HHIPL1: variants seen among roughly 807,000 people sequenced by gnomAD.
HHIPL1 encodes the protein HHIP like 1, also known as HHIP-like protein 1.
A neutral mutation model predicts 61.8 loss-of-function variants in HHIPL1; 43 were observed. The observed-to-expected ratio is 0.70, with a 90% CI of 0.55 to 0.90. The LOEUF is 0.90. Among genes scored for constraint, HHIPL1 ranks in the 40% least tolerant of loss-of-function variants. The probability of loss-of-function intolerance (pLI) is 0.00; values close to 1 mark genes in which losing one functional copy is unlikely to be tolerated. For missense variants in HHIPL1, 1,056 were observed against 1,157.7 expected (o/e 0.91, Z 1.28); for synonymous variants, 482 against 515.8 (o/e 0.93, Z 0.89).
In HHIPL1 at chr14:99,660,128, C is replaced by G; in HGVS notation, c.1376-152C>G. 4.6e-6 allele frequency: 3 copies of G among 649,276 alleles called. No individual in the cohort carries two copies. Among genetic ancestry groups the G allele is most frequent in the Non-Finnish European group, 6.8e-6 (3 of 441,224 alleles). The allele number at this position is 649,276 out of a possible 1,614,324, so 40.2% of individuals were successfully genotyped here. On this transcript the variant is annotated intron_variant, in intron 4 of 8. Transcript: ENST00000330710. The surrounding 1 kb of genome is among the most constrained non-coding windows in gnomAD (Gnocchi z 4.9). The stretch of plus-strand genomic sequence containing the variant: ...ACCCCTGCAGACACGCTTTCCACCA[C>G]GCCAGCCCTGCTGTGGGCACGCCAG...
the HHIPL1 span, among the ~76,000 whole-genome samples, chr14:99,635,068 C>T: frequency 6.6e-6 from 1 of 152,074 alleles, no homozygotes; most frequent in Non-Finnish European, 1.5e-5. Context: ...AGTGGTGACC[C>T]AGAAAGGATC....
chr14:99,669,191 C>T, intron 7 of HHIPL1: 1 of 1,270,598 alleles, frequency 7.9e-7, no homozygotes, highest in Non-Finnish European at 1.0e-6. Context: ...TATCTCTTCA[C>T]TCTGCAGAGG....
At chr14:99,667,040 C>A (rs1469594274) in intron 6 of HHIPL1, among the ~76,000 whole-genome samples, 1 of 152,254 alleles carries the variant, frequency 6.6e-6, no homozygotes, top group Non-Finnish European at 1.5e-5. Context: ...ATGCTTTCCT[C>A]CAACCTATTA....
rs1026506821 is a variant in HHIPL1 at position 99,668,446 on chromosome 14, G to A, written c.1730+143G>A. Reference sequence around the variant, plus strand: ...AGAACCCTGAGGCCCAGAGAGGGACGTGATTTGCCTCAGTTCCTCCGGCAA... The same window carrying A: ...AGAACCCTGAGGCCCAGAGAGGGACATGATTTGCCTCAGTTCCTCCGGCAA... On this transcript the variant is annotated intron_variant, in intron 7 of 8. Coordinates refer to ENST00000330710, the MANE Select transcript of HHIPL1 (RefSeq NM_001127258.3). The surrounding 1 kb of genome is among the most constrained non-coding windows in gnomAD (Gnocchi z 4.7). 51 of 641,778 alleles carry A rather than the reference G, an allele frequency of 7.9e-5. No individual in the cohort carries two copies. Among genetic ancestry groups the A allele is most frequent in the Admixed American group, 5.8e-4 (25 of 43,178 alleles). 39.8% of individuals were successfully genotyped at this position (641,778 alleles called of 1,614,324 possible). A position where few individuals can be genotyped will look rare whatever the true frequency, so the allele number is the denominator to read the frequency against.
At chr14:99,640,952 T>A (rs2055743507), upstream of HHIPL1, among the ~76,000 whole-genome samples, 1 of 142,662 alleles carries the variant, frequency 7.0e-6, no homozygotes, top group Non-Finnish European at 1.5e-5. Context: ...AATGGTGCGA[T>A]CTTGGCTCAC....
the HHIPL1 span, among the ~76,000 whole-genome samples, chr14:99,638,215 C>G: frequency 9.8e-5 from 15 of 152,312 alleles, no homozygotes; most frequent in Non-Finnish European, 2.2e-4. Context: ...ACTCACTCCC[C>G]AGCACTCACG....
In HHIPL1 at chr14:99,676,313, G is replaced by A. The variant is rs943886; in HGVS notation, c.*687G>A. On this transcript the variant is annotated 3_prime_UTR_variant, in exon 9 of 9. Coordinates refer to ENST00000330710, the MANE Select transcript of HHIPL1 (RefSeq NM_001127258.3). Reference sequence around the variant, plus strand: ...TGAGGACTGGATGACCTCCAAGGCCGTATGCTGGAGAAGCCACTCAGCAGC... The same window carrying A: ...TGAGGACTGGATGACCTCCAAGGCCATATGCTGGAGAAGCCACTCAGCAGC... 0.057 allele frequency: 8,699 copies of A among 152,400 alleles called. 290 individuals carry two copies. The highest frequency in any genetic ancestry group is 0.081 in the African/African-American group (3,365 of 41,538). 9.4% of individuals were successfully genotyped at this position (152,400 alleles called of 1,614,324 possible). A position where few individuals can be genotyped will look rare whatever the true frequency, so the allele number is the denominator to read the frequency against.
At chr14:99,626,525 G>T in the HHIPL1 span, among the ~76,000 whole-genome samples, 1 of 152,232 alleles carries the variant, frequency 6.6e-6, no homozygotes, top group African/African-American at 2.4e-5. Flanking sequence ...GGAGGTCAGG[G>T]AGTCCAGTGC....
rs1250435569 is a variant in HHIPL1, at chr14:99,660,673, C to T, written c.1502+267C>T. Among the ~76,000 whole-genome samples, 4 of 152,180 alleles carry T rather than the reference C, an allele frequency of 2.6e-5. No individual in the cohort carries two copies. Among genetic ancestry groups the T allele is most frequent in the African/African-American group, 9.7e-5 (4 of 41,450 alleles). ...ACTGGAGGCTTGCTTAAGTGCGGGTCCCGTGGTCTTCCTCTCCCTCCTGAG... is the reference window on the plus strand; with the variant it reads ...ACTGGAGGCTTGCTTAAGTGCGGGTTCCGTGGTCTTCCTCTCCCTCCTGAG... On this transcript the variant is annotated intron_variant, in intron 5 of 8. Coordinates refer to ENST00000330710, the MANE Select transcript of HHIPL1 (RefSeq NM_001127258.3). This position sits in a 1 kb window ranked among gnomAD's most constrained non-coding sequence, Gnocchi z 4.9.
At chr14:99,670,639 C>G (rs2056317346) in intron 7 of HHIPL1, among the ~76,000 whole-genome samples, 1 of 152,094 alleles carries the variant, frequency 6.6e-6, no homozygotes, top group South Asian at 2.1e-4. Context: ...GCTTCCATCC[C>G]TTCCTTCTCA....
At chr14:99,667,321 C>CT (rs35142788) in intron 6 of HHIPL1, among the ~76,000 whole-genome samples, 44,778 of 147,540 alleles carry the variant, frequency 0.3, 8,159 homozygotes, top group East Asian at 0.43. Context: ...CTCTGAGCCT[C>CT]TTTTTTTTTT....
chr14:99,613,446 C>T, the HHIPL1 span, among the ~76,000 whole-genome samples: 1 of 151,650 alleles, frequency 6.6e-6, no homozygotes, highest in Non-Finnish European at 1.5e-5. Flanking sequence ...ACACCTCGAC[C>T]TCCTGAATAT....
intron 2 of HHIPL1, among the ~76,000 whole-genome samples, chr14:99,653,253 C>T (rs528566020): frequency 7.0e-4 from 106 of 152,302 alleles, no homozygotes; most frequent in African/African-American, 2.5e-3. Context: ...AGGGTCAGAG[C>T]TGGAACCCTG....
intron 5 of HHIPL1, among the ~76,000 whole-genome samples, chr14:99,662,425 G>C (rs560847761): frequency 8.5e-5 from 13 of 152,202 alleles, no homozygotes; most frequent in Admixed American, 8.5e-4. Context: ...TCTTGAAAGC[G>C]CTGTGCCCTC....
chr14:99,621,863 G>A, the HHIPL1 span, among the ~76,000 whole-genome samples: 27 of 151,730 alleles, frequency 1.8e-4, no homozygotes, highest in Non-Finnish European at 1.3e-4. Context: ...CCACAGGTAC[G>A]TGCCACCATG....
intron 2 of HHIPL1, among the ~76,000 whole-genome samples, chr14:99,653,811 C>T (rs990392187): frequency 2.0e-5 from 3 of 152,342 alleles, no homozygotes; most frequent in East Asian, 1.9e-4. Context: ...ATGTATCAGT[C>T]TAAGTCCAGT....
In HHIPL1 at chr14:99,659,571, G is replaced by A; in HGVS notation, c.1190G>A (p.Trp397Ter). The change falls in exon 4 of 9, where the codon TGG (tryptophan) becomes TAG (stop). Residue 397 changes from tryptophan to a stop codon, truncating the protein, a stop_gained. Transcript: ENST00000330710. LOFTEE classifies it high-confidence loss of function. The part of the protein sequence containing the change: ...EVYALGVRNM[W>*]RCSFDRGDPS... ...TACGCCCTGGGCGTGCGCAACATGT[G>A]GCGCTGCTCCTTCGACCGTGGCGAC... 1 of 1,552,210 alleles carries A rather than the reference G, an allele frequency of 6.4e-7. No homozygotes were observed. The highest frequency in any genetic ancestry group is 8.7e-7 in the Non-Finnish European group (1 of 1,152,194).
intron 1 of HHIPL1, among the ~76,000 whole-genome samples, chr14:99,648,555 A>G (rs1243632966): frequency 1.3e-5 from 2 of 152,252 alleles, no homozygotes; most frequent in African/African-American, 4.8e-5. Context: ...GTCCTAGCCA[A>G]GCTGACTGGC....
chr14:99,678,988 G>A lies in HHIPL1; in HGVS notation c.*3362G>A, dbSNP rs2140102496. On this transcript the variant is annotated 3_prime_UTR_variant, in exon 9 of 9. Transcript: ENST00000330710. ...CTTACTACATGCCAAGCACTGCTCT[G>A]AAAGTTTAACATACCATTCACTCAT... 1 of 152,344 alleles carries A rather than the reference G, an allele frequency of 6.6e-6. No individual in the cohort carries two copies. Among genetic ancestry groups the A allele is most frequent in the South Asian group, 2.1e-4 (1 of 4,828 alleles). 9.4% of individuals were successfully genotyped at this position (152,344 alleles called of 1,614,324 possible). A position where few individuals can be genotyped will look rare whatever the true frequency, so the allele number is the denominator to read the frequency against.
Sources: allele counts gnomAD v4.1 joint callset (sites outside exome capture counted in the v4.1 genomes callset), GRCh38; gene constraint gnomAD v4.1.1; non-coding constraint Gnocchi (gnomAD v3.1); transcripts MANE v1.5; gene names NCBI Gene and HGNC (gene_info 2026-07-23, HGNC 2026-07-21).